GABRB3: variants seen among roughly 807,000 people sequenced by gnomAD.
The protein encoded by GABRB3 is gamma-aminobutyric acid receptor subunit beta-3.
Under a neutral mutation model 52.1 loss-of-function variants are expected in GABRB3, and 14 were observed. That is an observed-to-expected ratio of 0.27 (90% CI 0.18 to 0.42). GABRB3 has a LOEUF of 0.42. GABRB3 is among the 10% of genes least tolerant of loss of function. The pLI is 1.00. For missense variants in GABRB3, 307 were observed against 609.1 expected (o/e 0.50, Z 5.22); for synonymous variants, 260 against 232.3 (o/e 1.12, Z -1.08).
intron 3 of GABRB3, among the ~76,000 whole-genome samples, chr15:26,623,558 T>C (rs1294208442): frequency 6.6e-6 from 1 of 151,716 alleles, no homozygotes; most frequent in Non-Finnish European, 1.5e-5. Flanking sequence ...TGTTTGTTTT[T>C]ACAGTCCAGA....
At chr15:26,616,345 T>C (rs1892256323) in intron 4 of GABRB3, among the ~76,000 whole-genome samples, 2 of 152,228 alleles carry the variant, frequency 1.3e-5, no homozygotes, top group Admixed American at 1.3e-4. Flanking sequence ...ATTAATTTGC[T>C]CTTTTGTCCA....
intron 3 of GABRB3, among the ~76,000 whole-genome samples, chr15:26,735,515 C>G (rs995208760): frequency 4.6e-5 from 7 of 152,056 alleles, no homozygotes; most frequent in Non-Finnish European, 7.4e-5. Flanking sequence ...TAGAAGTGAC[C>G]CAGGAATCCA....
chr15:26,593,796 T>C (rs1891293438), intron 4 of GABRB3, among the ~76,000 whole-genome samples: 1 of 151,748 alleles, frequency 6.6e-6, no homozygotes, highest in Non-Finnish European at 1.5e-5. Flanking sequence ...AAAATATCTG[T>C]TTGGGTCACT....
chr15:26,684,775 C>T (rs1460031967), intron 3 of GABRB3, among the ~76,000 whole-genome samples: 2 of 152,122 alleles, frequency 1.3e-5, no homozygotes, highest in African/African-American at 4.8e-5. Flanking sequence ...GGATTCAGCT[C>T]GCCGTCTTCT....
chr15:26,756,549 G>C (rs1470828026), intron 3 of GABRB3, among the ~76,000 whole-genome samples: 1 of 152,140 alleles, frequency 6.6e-6, no homozygotes, highest in Admixed American at 6.6e-5. Flanking sequence ...CTGCACTCCA[G>C]TCTGGGCGAC....
At chr15:26,592,624 A>T (rs1453911691) in intron 4 of GABRB3, among the ~76,000 whole-genome samples, 1 of 152,220 alleles carries the variant, frequency 6.6e-6, no homozygotes, top group Non-Finnish European at 1.5e-5. Context: ...CCTAGCCACA[A>T]ATGCCAAATT....
chr15:26,594,411 T>C (rs1891320853), intron 4 of GABRB3, among the ~76,000 whole-genome samples: 1 of 152,164 alleles, frequency 6.6e-6, no homozygotes, highest in Non-Finnish European at 1.5e-5. Flanking sequence ...AAAACTTTTT[T>C]TGAAAAGATT....
intron 6 of GABRB3, among the ~76,000 whole-genome samples, chr15:26,574,774 T>C (rs1890533848): frequency 6.6e-6 from 1 of 152,182 alleles, no homozygotes; most frequent in Non-Finnish European, 1.5e-5. Context: ...ACAGGGCTTC[T>C]TTTTGGGGTG....
At chr15:26,565,541 C>T (rs962204074) in intron 7 of GABRB3, among the ~76,000 whole-genome samples, 3 of 152,118 alleles carry the variant, frequency 2.0e-5, no homozygotes, top group African/African-American at 4.8e-5. Flanking sequence ...AGCAAAGCCA[C>T]AGAGGCACAG....
chr15:26,638,979 A>G (rs1893126406), intron 3 of GABRB3, among the ~76,000 whole-genome samples: 1 of 152,090 alleles, frequency 6.6e-6, no homozygotes, highest in African/African-American at 2.4e-5. Flanking sequence ...ATTCTAGTGG[A>G]TGTCAATATG....
intron 3 of GABRB3, among the ~76,000 whole-genome samples, chr15:26,677,809 G>A (rs1888115036): frequency 1.3e-5 from 2 of 152,170 alleles, no homozygotes; most frequent in South Asian, 4.1e-4. Context: ...GGGCTATCAT[G>A]AAGTTCCCAT....
intron 3 of GABRB3, among the ~76,000 whole-genome samples, chr15:26,631,520 CTGCATT>C (rs1234478033): frequency 6.6e-6 from 1 of 152,180 alleles, no homozygotes; most frequent in African/African-American, 2.4e-5. Context: ...CACAGGACAC[CTGCATT>C]TGCATCTGGT....
At chr15:26,555,776 C>T (rs1040808927) in intron 8 of GABRB3, among the ~76,000 whole-genome samples, 1 of 152,104 alleles carries the variant, frequency 6.6e-6, no homozygotes, top group South Asian at 2.1e-4. Context: ...TGAAAAGGAA[C>T]CTGAATATAT....
At chr15:26,627,606 G>C (rs113725172) in intron 3 of GABRB3, among the ~76,000 whole-genome samples, 1,729 of 152,132 alleles carry the variant, frequency 0.011, 33 homozygotes, top group African/African-American at 0.039. Context: ...AGTCATTGCA[G>C]ATGTGGTGGG....
At chr15:26,731,615 A>T (rs1444717534) in intron 3 of GABRB3, among the ~76,000 whole-genome samples, 3 of 152,106 alleles carry the variant, frequency 2.0e-5, no homozygotes, top group African/African-American at 7.2e-5. Flanking sequence ...AGAGTTTATA[A>T]GATAATGGCC....
intron 4 of GABRB3, chr15:26,612,018 A>G (rs1892088923): frequency 6.6e-6 from 1 of 152,210 alleles, no homozygotes; most frequent in Non-Finnish European, 1.5e-5. Context: ...CACATGCCTG[A>G]AGTAATTTCT....
rs1270192336 is a variant in GABRB3 at position 26,772,432 on chromosome 15, G to A, written c.210C>T (p.Ala70=). 1.2e-6 allele frequency: 2 copies of A among 1,610,754 alleles called. No individual in the cohort carries two copies. The highest frequency in any genetic ancestry group is 8.5e-7 in the Non-Finnish European group (1 of 1,178,524). ...TGACTTCGGAAACCATGTCGATGCT[G>A]GCGATGTCGATGTTCATCCCCACGC... ...PVCVGMNIDI[A]SIDMVSEVNM... The change falls in exon 3 of 9, where the codon GCC becomes GCT. Residue 70 remains alanine (A), a synonymous_variant. Transcript: ENST00000311550.
Position 26,621,370 on chromosome 15 carries a change from T to C in GABRB3, c.405A>G (p.Thr135=), listed in dbSNP as rs368117521. ...GAAGACGGATCATGCGGTTTTTCACTGTCACTCCATGCACAAATGACTTTT... is the reference window on the plus strand; with the variant it reads ...GAAGACGGATCATGCGGTTTTTCACCGTCACTCCATGCACAAATGACTTTT... ...NDKKSFVHGV[T]VKNRMIRLHP... Residue 135 remains threonine, a synonymous_variant, in exon 4 of 9, where the codon ACA becomes ACG. Transcript: ENST00000311550. This position sits in a 1 kb window ranked among gnomAD's most constrained non-coding sequence, Gnocchi z 4.1. 5.0e-6 allele frequency: 8 copies of C among 1,614,048 alleles called. No homozygotes were observed. The highest frequency in any genetic ancestry group is 2.2e-5 in the South Asian group (2 of 91,082).
chr15:26,616,059 A>G, intron 4 of GABRB3: 1 of 1,289,108 alleles, frequency 7.8e-7, no homozygotes, highest in South Asian at 1.2e-5. Flanking sequence ...GGGCCATAGT[A>G]CCTATTTACC....
Sources: gnomAD v4.1 joint callset for allele counts (sites outside exome capture counted in the v4.1 genomes callset) on GRCh38, gnomAD v4.1.1 for gene constraint, Gnocchi (gnomAD v3.1) non-coding constraint, MANE v1.5 for transcripts, NCBI Gene and HGNC (gene_info 2026-07-23, HGNC 2026-07-21) for gene names.